The following ACAD9 variants were observed in gnomAD, a reference collection of about 807,000 sequenced individuals.
The protein encoded by ACAD9 is complex I assembly factor ACAD9, mitochondrial.
In ACAD9, 53 loss-of-function variants were observed where a neutral mutation model predicts 70.2. That is an observed-to-expected ratio of 0.75 (90% CI 0.61 to 0.95). The LOEUF is 0.95. ACAD9 is among the 40% of genes least tolerant of loss of function. The pLI, the probability that ACAD9 is intolerant of heterozygous loss-of-function variation, is 0.00. For synonymous variants in ACAD9, 313 were observed against 312.1 expected (o/e 1.00, Z -0.03); for missense variants, 777 against 802.8 (o/e 0.97, Z 0.39).
chr3:128,885,064 G>A (rs1443736714), intron 2 of ACAD9, among the ~76,000 whole-genome samples: 1 of 152,224 alleles, frequency 6.6e-6, no homozygotes, highest in South Asian at 2.1e-4. Context: ...CACCATACAA[G>A]CCCATGGAGC....
intron 2 of ACAD9, among the ~76,000 whole-genome samples, chr3:128,886,039 G>C (rs1935236387): frequency 6.7e-6 from 1 of 149,498 alleles, no homozygotes. Context: ...AAAATATACT[G>C]TGTTCATTTG....
chr3:128,908,528 G>A, intron 13 of ACAD9: 1 of 586,450 alleles, frequency 1.7e-6, no homozygotes, highest in African/African-American at 1.9e-5. Context: ...ACTAGAGGCA[G>A]CTGGTTTTTC....
At chr3:128,887,105 A>G (rs1935272391) in intron 2 of ACAD9, among the ~76,000 whole-genome samples, 1 of 151,962 alleles carries the variant, frequency 6.6e-6, no homozygotes, top group Non-Finnish European at 1.5e-5. Context: ...TTGTATTTTC[A>G]GTAGAGATGG....
In ACAD9 at chr3:128,901,335, G is replaced by A. The variant is rs1018093316; in HGVS notation, c.868G>A (p.Gly290Arg). ...IPVENILGEV[G>R]DGFKVAMNIL... ...TGTGGAAAACATCCTTGGAGAGGTC[G>A]GAGATGGGTTTAAGGTGAGTTGCCA... The change falls in exon 8 of 18, where the codon GGA (glycine) becomes AGA (arginine). Residue 290 changes from glycine to arginine, a missense_variant. Coordinates refer to ENST00000308982, the MANE Select transcript of ACAD9 (RefSeq NM_014049.5). 1.1e-5 allele frequency: 17 copies of A among 1,614,018 alleles called. No individual in the cohort carries two copies. Among genetic ancestry groups the A allele is most frequent in the Middle Eastern group, 1.6e-4 (1 of 6,084 alleles).
chr3:128,908,794 A>C (rs1015427120), intron 13 of ACAD9, among the ~76,000 whole-genome samples, 179 bp from the exon 14 acceptor site: 1 of 152,134 alleles, frequency 6.6e-6, no homozygotes, highest in Non-Finnish European at 1.5e-5. Context: ...GGCTCCCCTG[A>C]GGAGACTGGC....
intron 2 of ACAD9, among the ~76,000 whole-genome samples, chr3:128,890,563 G>A (rs983227237): frequency 2.6e-5 from 4 of 151,742 alleles, no homozygotes; most frequent in Admixed American, 6.6e-5. Flanking sequence ...TTAGCCGGGC[G>A]TGGTGGCAGG....
rs777562712 is a variant in ACAD9, at chr3:128,904,146, A to C, written c.1029+14A>C. ...GGATTGATTCAGGTACCAATGGTTG[A>C]GTACTGTATTTGTGCATTTCACTGT... is the stretch of plus-strand genomic sequence containing the variant. On this transcript the variant is annotated intron_variant, in intron 10 of 17. Transcript: ENST00000308982. The C allele has an allele frequency of 1.2e-6, 2 of 1,613,646 alleles. No homozygotes were observed. The highest frequency in any genetic ancestry group is 3.3e-5 in the Admixed American group (2 of 60,024).
chr3:128,908,707 G>A (rs1251939442), intron 13 of ACAD9: 1 of 571,940 alleles, frequency 1.7e-6, no homozygotes, highest in East Asian at 3.1e-5. Context: ...GTTGCTAGTA[G>A]CATTTTGTCT....
At chr3:128,895,719 G>A (rs913689442) in intron 4 of ACAD9, among the ~76,000 whole-genome samples, 18 of 90,456 alleles carry the variant, frequency 2.0e-4, no homozygotes, top group Non-Finnish European at 3.2e-4. Context: ...GCTGGAAGTG[G>A]TCTCTCCTGA....
At chr3:128,880,548 CTT>C (rs34401569) in intron 1 of ACAD9, among the ~76,000 whole-genome samples, 77 of 145,738 alleles carry the variant, frequency 5.3e-4, no homozygotes, top group African/African-American at 5.8e-4. Context: ...GCCTGCCCGG[CTT>C]TTTTTTTTTT....
intron 7 of ACAD9, among the ~76,000 whole-genome samples, chr3:128,899,935 C>T (rs1935687546): frequency 6.6e-6 from 1 of 152,150 alleles, no homozygotes; most frequent in Non-Finnish European, 1.5e-5. Flanking sequence ...CATATAAGTA[C>T]TATTTTTGCC....
At chr3:128,906,550 TAA>T (rs1241621816) in intron 12 of ACAD9, among the ~76,000 whole-genome samples, 1 of 151,980 alleles carries the variant, frequency 6.6e-6, no homozygotes, top group Non-Finnish European at 1.5e-5. Flanking sequence ...TGACAGAGTG[TAA>T]AGAGGCAGGG....
intron 2 of ACAD9, among the ~76,000 whole-genome samples, chr3:128,892,240 A>G (rs1340234286): frequency 6.6e-6 from 1 of 152,220 alleles, no homozygotes; most frequent in Non-Finnish European, 1.5e-5. Context: ...TCAACAAATT[A>G]TATATTATAA....
chr3:128,889,166 T>TAA lies in ACAD9; in HGVS notation c.245-4377_245-4376dup, dbSNP rs567559276. On this transcript the variant is annotated intron_variant, in intron 2 of 17. Coordinates refer to ENST00000308982, the MANE Select transcript of ACAD9 (RefSeq NM_014049.5). ...CTTTTTTGTTTTGTTTTGTTTTCCTTAAAAAAAAAAAAACAAAAAATATTT... is the reference window on the plus strand; with the variant it reads ...CTTTTTTGTTTTGTTTTGTTTTCCTTAAAAAAAAAAAAAAACAAAAAATATTT... 1.2e-3 allele frequency among the ~76,000 whole-genome samples: 169 copies of TAA among 141,880 alleles called. 1 individual carries two copies. The highest frequency in any genetic ancestry group is 7.5e-3 in the South Asian group (34 of 4,510). The allele number at this position is 141,880 out of a possible 152,430, so 93.1% of individuals were successfully genotyped here. A position where few individuals can be genotyped will look rare whatever the true frequency, so the allele number is the denominator to read the frequency against.
At chr3:128,888,531 A>G (rs1935318713) in intron 2 of ACAD9, among the ~76,000 whole-genome samples, 1 of 152,100 alleles carries the variant, frequency 6.6e-6, no homozygotes, top group African/African-American at 2.4e-5. Context: ...TTGAGCTGGG[A>G]TGGCGCCACT....
chr3:128,901,247 G>C (rs758828379), intron 7 of ACAD9, 29 bp from the exon 8 acceptor site: 3 of 1,609,420 alleles, frequency 1.9e-6, no homozygotes, highest in Non-Finnish European at 2.6e-6. Context: ...TGCATTGTCA[G>C]ATGATATCTT....
At chr3:128,906,087 CCTTT>C in intron 11 of ACAD9, 30 bp from the exon 12 acceptor site, 1 of 1,614,042 alleles carries the variant, frequency 6.2e-7, no homozygotes, top group Non-Finnish European at 8.5e-7. Flanking sequence ...CGTAGGTCCT[CCTTT>C]TGGAAAGGAT....
chr3:128,899,049 T>C (rs1469512863), intron 6 of ACAD9, among the ~76,000 whole-genome samples: 1 of 152,132 alleles, frequency 6.6e-6, no homozygotes, highest in East Asian at 1.9e-4. Flanking sequence ...GGGTGTTCTT[T>C]CCCCCGCCCC....
In ACAD9 at chr3:128,902,516, C is replaced by G. The variant is rs1935770214; in HGVS notation, c.883-37C>G. On this transcript the variant is annotated intron_variant, in intron 8 of 17. Coordinates refer to ENST00000308982, the MANE Select transcript of ACAD9 (RefSeq NM_014049.5). This position sits in a 1 kb window ranked among gnomAD's most constrained non-coding sequence, Gnocchi z 4.0. ...CGTTGCGGCCTCCTCCCTCTGCCTCCTTCAGGGCCCCTGGGCTCTCCCTGT... is the reference window on the plus strand; with the variant it reads ...CGTTGCGGCCTCCTCCCTCTGCCTCGTTCAGGGCCCCTGGGCTCTCCCTGT... 9 of 1,613,040 alleles carry G rather than the reference C, an allele frequency of 5.6e-6. No homozygotes were observed. Among genetic ancestry groups the G allele is most frequent in the Non-Finnish European group, 6.8e-6 (8 of 1,179,074 alleles).
Sources: gnomAD v4.1 joint callset for allele counts (sites outside exome capture counted in the v4.1 genomes callset) on GRCh38, gnomAD v4.1.1 for gene constraint, Gnocchi (gnomAD v3.1) non-coding constraint, MANE v1.5 for transcripts, NCBI Gene and HGNC (gene_info 2026-07-23, HGNC 2026-07-21) for gene names.